Variants in PPFIA4 observed in about 807,000 individuals in gnomAD.
PPFIA4 encodes liprin-alpha-4.
PPFIA4 carries 98 observed loss-of-function variants against 145.7 expected under a neutral mutation model. The ratio of observed to expected loss-of-function variants is 0.67; its 90% CI spans 0.57 to 0.80. PPFIA4 has a LOEUF of 0.80. Among genes scored for constraint, PPFIA4 ranks in the 30% least tolerant of loss-of-function variants. The pLI, the probability that PPFIA4 is intolerant of heterozygous loss-of-function variation, is 0.00. For synonymous variants in PPFIA4, 628 were observed against 649.6 expected, an observed-to-expected ratio of 0.97 and a Z score of 0.51; for missense variants, 1,457 against 1,632.7, an observed-to-expected ratio of 0.89 and a Z score of 1.85.
rs748540786 is a variant in PPFIA4 at position 203,045,849 on chromosome 1, C to G, written c.867C>G (p.Ala289=). Residue 289 remains alanine (A), a synonymous_variant, in exon 8 of 30, where the codon GCC becomes GCG. Transcript: ENST00000295706. ...GTCCCCTCTTCTCCCAGGCTCTGGC[C>G]CAGAAGGAGGACATGGAAGAGCGGA... ...KHQRDLREAL[A]QKEDMEERIT... 2 of 1,612,818 alleles carry G rather than the reference C, an allele frequency of 1.2e-6. No individual in the cohort carries two copies. Among genetic ancestry groups the G allele is most frequent in the Non-Finnish European group, 8.5e-7 (1 of 1,179,858 alleles).
At chr1:203,059,375 C>T in intron 20 of PPFIA4, 104 bp downstream of exon 20, 1 of 1,001,266 alleles carries the variant, frequency 1.0e-6, no homozygotes, top group Non-Finnish European at 1.5e-6. Context: ...CAGACCCCAG[C>T]AAGGCCCTTC....
intron 13 of PPFIA4, chr1:203,051,291 G>A: frequency 1.0e-6 from 1 of 986,780 alleles, no homozygotes; most frequent in Non-Finnish European, 1.2e-6. Context: ...AGATTATGGG[G>A]AGACCCGAGG....
intron 1 of PPFIA4, among the ~76,000 whole-genome samples, chr1:203,030,246 G>A (rs1344536439): frequency 6.6e-6 from 1 of 152,160 alleles, no homozygotes; most frequent in South Asian, 2.1e-4. Context: ...GAAGTGGCCT[G>A]TGTGACCTCC....
In PPFIA4 at chr1:203,077,804, A is replaced by G. The variant is rs1662641961; in HGVS notation, c.*1414A>G. 1 of 152,210 alleles carries G rather than the reference A, an allele frequency of 6.6e-6. No homozygotes were observed. The highest frequency in any genetic ancestry group is 1.9e-4 in the East Asian group (1 of 5,190). The allele number at this position is 152,210 out of a possible 1,614,324, so 9.4% of individuals were successfully genotyped here. On this transcript the variant is annotated 3_prime_UTR_variant, in exon 30 of 30. Coordinates refer to ENST00000295706, the MANE Select transcript of PPFIA4 (RefSeq NM_001304331.2). Reference sequence around the variant, plus strand: ...CCTACCAAGGTGCCTGAAAATGTTCAAGACTTATGTTCAGGGTGGGATGAT... The same window carrying G: ...CCTACCAAGGTGCCTGAAAATGTTCGAGACTTATGTTCAGGGTGGGATGAT...
At position 203,051,836 on chromosome 1, in the gene PPFIA4, G is replaced by T; in HGVS notation, c.1579G>T (p.Val527Leu). 1 of 1,613,808 alleles carries T rather than the reference G, an allele frequency of 6.2e-7. No individual in the cohort carries two copies. Among genetic ancestry groups the T allele is most frequent in the Non-Finnish European group, 8.5e-7 (1 of 1,179,830 alleles). The change falls in exon 14 of 30, where the codon GTG becomes TTG. Residue 527 changes from valine (V) to leucine (L), a missense_variant. Physicochemically the swap from Val to Leu is conservative, Grantham distance 32. This residue lies in a region of PPFIA4 where 848 missense variants were observed against 1,046.7 expected (regional missense o/e 0.81). Transcript: ENST00000295706. ...CACAACCACACACGCACCCCCAGGC[G>T]TGCATCGCCGCTACTCGGCATTGAG... ...LGTTTHAPPGVHRRYSALREE... is the reference protein window; with the variant it reads ...LGTTTHAPPGLHRRYSALREE...
At position 203,060,304 on chromosome 1, in the gene PPFIA4, G is replaced by C. The variant is rs1162071691; in HGVS notation, c.2671G>C (p.Glu891Gln). ...GAIMSALSDTEIQREIGISNA... is the reference protein window; with the variant it reads ...GAIMSALSDTQIQREIGISNA... ...CATCATGTCCGCTCTGTCGGACACA[G>C]AGATCCAGCGGGAGATCGGCATCAG... The change falls in exon 22 of 30, where the codon GAG (glutamate) becomes CAG (glutamine). Residue 891 changes from glutamate (E) to glutamine (Q), a missense_variant. Physicochemically the swap from Glu to Gln is conservative, Grantham distance 29 (BLOSUM62 2). This residue lies in a region of PPFIA4 where 848 missense variants were observed against 1,046.7 expected (regional missense o/e 0.81). Transcript: ENST00000295706. The surrounding 1 kb of genome is among the most constrained non-coding windows in gnomAD (Gnocchi z 4.8). 6.2e-7 allele frequency: 1 copy of C among 1,614,110 alleles called. No individual in the cohort carries two copies. The highest frequency in any genetic ancestry group is 1.7e-5 in the Admixed American group (1 of 60,032).
chr1:203,061,610 CTT>C (rs1661365866), intron 23 of PPFIA4, 40 bp from the exon 24 acceptor site: 1 of 1,544,530 alleles, frequency 6.5e-7, no homozygotes, highest in Non-Finnish European at 8.7e-7. Flanking sequence ...GGTTTCTTGA[CTT>C]TGCCTGTTTC....
chr1:203,069,725 G>GCCAT (rs1299989432), intron 27 of PPFIA4, among the ~76,000 whole-genome samples: 1 of 150,994 alleles, frequency 6.6e-6, no homozygotes, highest in African/African-American at 2.4e-5. Flanking sequence ...AGTGCACAGG[G>GCCAT]CCATTGTGTC....
chr1:203,076,536 A>G lies in PPFIA4; in HGVS notation c.*146A>G, dbSNP rs1171604236. On this transcript the variant is annotated 3_prime_UTR_variant, in exon 30 of 30. Coordinates refer to ENST00000295706, the MANE Select transcript of PPFIA4 (RefSeq NM_001304331.2). ...CCTGGATCTCAGAATATATTCGTCC[A>G]CCCCCTCGGCACCCCATTACCCCGA... is the stretch of plus-strand genomic sequence containing the variant. 1.3e-6 allele frequency: 1 copy of G among 767,810 alleles called. No individual in the cohort carries two copies. The highest frequency in any genetic ancestry group is 2.3e-5 in the Admixed American group (1 of 44,342). 47.6% of individuals were successfully genotyped at this position (767,810 alleles called of 1,614,324 possible).
rs1442186617 is a variant in PPFIA4 at position 203,056,873 on chromosome 1, C to T, written c.2330C>T (p.Ser777Leu). 6.2e-6 allele frequency: 10 copies of T among 1,613,962 alleles called. No homozygotes were observed. The highest frequency in any genetic ancestry group is 2.2e-5 in the East Asian group (1 of 44,896). The change falls in exon 19 of 30, where the codon TCG becomes TTG. Residue 777 changes from serine to leucine, a missense_variant. Physicochemically the swap from Ser to Leu is moderately radical, Grantham distance 145. Around this residue, in one of 3 missense-constraint regions of PPFIA4, gnomAD observed 848 missense variants for 1,046.7 expected, o/e 0.81. Transcript: ENST00000295706. ...GGCGCCAAGCGCAAGGGCATCAAGTCGTCCATTGGCCGCCTGTTTGGGAAG... is the reference window on the plus strand; with the variant it reads ...GGCGCCAAGCGCAAGGGCATCAAGTTGTCCATTGGCCGCCTGTTTGGGAAG... The part of the protein sequence containing the change: ...HKGAKRKGIK[S>L]SIGRLFGKKE...
chr1:203,069,328 GT>G (rs2102689825), intron 27 of PPFIA4, among the ~76,000 whole-genome samples: 1 of 152,114 alleles, frequency 6.6e-6, no homozygotes, highest in Admixed American at 6.5e-5. Context: ...GATTTTATTT[GT>G]CCTGAAAATG....
In PPFIA4 at chr1:203,045,384, T is replaced by C; in HGVS notation, c.683T>C (p.Val228Ala). 6.2e-7 allele frequency: 1 copy of C among 1,602,952 alleles called. No homozygotes were observed. Among genetic ancestry groups the C allele is most frequent in the Admixed American group, 1.7e-5 (1 of 58,844 alleles). ...KRLWKEDTGR[V>A]EELQELLEKQ... ...TCCCTGGAGGAGGATACGGGCCGGG[T>C]AGAGGAGCTGCAGGAGCTCCTGGAG... is the stretch of plus-strand genomic sequence containing the variant. Residue 228 changes from valine to alanine, a missense_variant, in exon 7 of 30, where the codon GTA becomes GCA. Transcript: ENST00000295706.
Position 203,043,820 on chromosome 1 carries a change from G to A in PPFIA4, c.337-111G>A, listed in dbSNP as rs1659870871. Reference sequence around the variant, plus strand: ...TTGGAAGTATTTCAGTGTTTTCACAGTGGGGTGGCTGTAACTCATGTCTGC... The same window carrying A: ...TTGGAAGTATTTCAGTGTTTTCACAATGGGGTGGCTGTAACTCATGTCTGC... On this transcript the variant is annotated intron_variant, in intron 3 of 29. Transcript: ENST00000295706. The surrounding 1 kb of genome is among the most constrained non-coding windows in gnomAD (Gnocchi z 4.4). 9.1e-7 allele frequency: 1 copy of A among 1,104,940 alleles called. No homozygotes were observed. The highest frequency in any genetic ancestry group is 2.7e-5 in the Admixed American group (1 of 37,030). 68.4% of individuals were successfully genotyped at this position (1,104,940 alleles called of 1,614,324 possible).
chr1:203,057,437 A>G (rs1661048309), intron 19 of PPFIA4, among the ~76,000 whole-genome samples: 1 of 152,354 alleles, frequency 6.6e-6, no homozygotes, highest in South Asian at 2.1e-4. Flanking sequence ...AGCTTAGGCA[A>G]GCGTGGCATC....
Position 203,061,697 on chromosome 1 carries a change from T to A in PPFIA4, c.2874+19T>A. 2 of 1,559,914 alleles carry A rather than the reference T, an allele frequency of 1.3e-6. No homozygotes were observed. The highest frequency in any genetic ancestry group is 1.7e-6 in the Non-Finnish European group (2 of 1,151,928). On this transcript the variant is annotated intron_variant, in intron 24 of 29. Transcript: ENST00000295706. Reference sequence around the variant, plus strand: ...GGCTCAGGTAAGACTCCCTACCCTGTCTAGAACCAGCTCCCAAAACTTCAG... The same window carrying A: ...GGCTCAGGTAAGACTCCCTACCCTGACTAGAACCAGCTCCCAAAACTTCAG...
intron 19 of PPFIA4, among the ~76,000 whole-genome samples, chr1:203,058,592 G>C (rs1047302739): frequency 1.6e-4 from 24 of 152,314 alleles, no homozygotes; most frequent in South Asian, 6.2e-4. Context: ...TGCACTGTGG[G>C]GGGGTGACCG....
intron 6 of PPFIA4, 78 bp downstream of exon 6, chr1:203,044,863 T>C: frequency 8.6e-7 from 1 of 1,157,092 alleles, no homozygotes; most frequent in South Asian, 1.3e-5. Flanking sequence ...CTGCCTTAGT[T>C]CAGTAGACTA....
rs143531528 is a variant in PPFIA4 at position 203,036,072 on chromosome 1, G to A, written c.-399-2538G>A. On this transcript the variant is annotated intron_variant, in intron 1 of 29. Coordinates refer to ENST00000295706, the MANE Select transcript of PPFIA4 (RefSeq NM_001304331.2). ...GATAGCCAGTACCTCACAGTGGGCAGCCTGAGGTCCTGTTCTTCCTTCCTG... is the reference window on the plus strand; with the variant it reads ...GATAGCCAGTACCTCACAGTGGGCAACCTGAGGTCCTGTTCTTCCTTCCTG... Among the ~76,000 whole-genome samples, 472 of 152,322 alleles carry A rather than the reference G, an allele frequency of 3.1e-3. 6 individuals are homozygous for A. Among genetic ancestry groups the A allele is most frequent in the African/African-American group, 0.011 (450 of 41,564 alleles).
chr1:203,040,162 C>G (rs753631468), intron 2 of PPFIA4, among the ~76,000 whole-genome samples: 1 of 152,246 alleles, frequency 6.6e-6, no homozygotes, highest in Non-Finnish European at 1.5e-5. Context: ...GCCTGATAAC[C>G]AGACCCAGAG....
Sources: allele counts gnomAD v4.1 joint callset (sites outside exome capture counted in the v4.1 genomes callset), GRCh38; gene constraint gnomAD v4.1.1; regional missense constraint gnomAD v4.1.1; non-coding constraint Gnocchi (gnomAD v3.1); transcripts MANE v1.5; gene names NCBI Gene and HGNC (gene_info 2026-07-23, HGNC 2026-07-21).